Variants in CELA2A observed in about 807,000 individuals in gnomAD.
The protein encoded by CELA2A is chymotrypsin-like elastase family member 2A.
Under a neutral mutation model 35.3 loss-of-function variants are expected in CELA2A, and 31 were observed. The observed-to-expected ratio is 0.88, with a 90% CI of 0.66 to 1.19. CELA2A has a LOEUF of 1.19. Ranked by LOEUF, CELA2A falls within the 50% of genes most tolerant of loss-of-function variation. The pLI is 0.00. For missense variants in CELA2A, 330 were observed against 352.9 expected (o/e 0.94, Z 0.52); for synonymous variants, 150 against 149.8 (o/e 1.00, Z -0.01).
chr1:15,469,794 G>A (rs1402578128), intron 7 of CELA2A, among the ~76,000 whole-genome samples: 5 of 152,176 alleles, frequency 3.3e-5, no homozygotes, highest in Admixed American at 2.6e-4. Context: ...AAGGAGCCTG[G>A]CCTGAGACTG....
Position 15,463,414 on chromosome 1 carries a change from A to G in CELA2A, c.385A>G (p.Asn129Asp). The G allele has an allele frequency of 6.2e-7, 1 of 1,613,886 alleles. No homozygotes were observed. Among genetic ancestry groups the G allele is most frequent in the Non-Finnish European group, 8.5e-7 (1 of 1,179,884 alleles). The change falls in exon 5 of 8, where the codon AAC (asparagine) becomes GAC (aspartate). Residue 129 changes from asparagine (N) to aspartate (D), a missense_variant. By Grantham distance (23) the Asn-to-Asp change is conservative. Coordinates refer to ENST00000359621, the MANE Select transcript of CELA2A (RefSeq NM_033440.3). Reference sequence around the variant, plus strand: ...CGACATTGCCCTGCTCAAACTGGCTAACCCCGTCTCCCTCACCGACAAGAT... The same window carrying G: ...CGACATTGCCCTGCTCAAACTGGCTGACCCCGTCTCCCTCACCGACAAGAT... ...GNDIALLKLA[N>D]PVSLTDKIQL... is the part of the protein sequence containing the mutation.
rs568320607 is a variant in CELA2A at position 15,470,048 on chromosome 1, C to A, written c.793-1942C>A. Among the ~76,000 whole-genome samples the A allele has an allele frequency of 5.3e-5, 8 of 152,204 alleles. No homozygotes were observed. In the East Asian group the frequency reaches 1.3e-3, roughly 26 times the overall value. On this transcript the variant is annotated intron_variant, in intron 7 of 7. Coordinates refer to ENST00000359621, the MANE Select transcript of CELA2A (RefSeq NM_033440.3). ...CAGATGGCAGCAGGGATCCACGGGG[C>A]AGCACGCCTCGCAAGGCAGCTGGGC...
chr1:15,464,479 A>G (rs3753326), intron 5 of CELA2A, among the ~76,000 whole-genome samples: 32,607 of 152,114 alleles, frequency 0.21, 3,830 homozygotes, highest in African/African-American at 0.28. Context: ...AGGGATGAGT[A>G]ATAATGACCT....
In CELA2A at chr1:15,467,465, G is replaced by A. The variant is rs149744450; in HGVS notation, c.719G>A (p.Arg240His). 1.0e-4 allele frequency: 162 copies of A among 1,614,080 alleles called. No homozygotes were observed. Among genetic ancestry groups the A allele is most frequent in the East Asian group, 6.9e-4 (31 of 44,878 alleles). The change falls in exon 7 of 8, where the codon CGC becomes CAC. Residue 240 changes from arginine (R) to histidine (H), a missense_variant. By Grantham distance (29) the Arg-to-His change is conservative (BLOSUM62 0). Coordinates refer to ENST00000359621, the MANE Select transcript of CELA2A (RefSeq NM_033440.3). ...CACGGCATCGTCAGCTTCGGGTCTC[G>A]CCTCGGCTGCAACTACTACCACAAG... Reference protein sequence around the residue: ...QVHGIVSFGSRLGCNYYHKPS... With the variant: ...QVHGIVSFGSHLGCNYYHKPS...
At chr1:15,467,096 C>T (rs1423801136) in intron 6 of CELA2A, among the ~76,000 whole-genome samples, 1 of 152,170 alleles carries the variant, frequency 6.6e-6, no homozygotes, top group Non-Finnish European at 1.5e-5. Flanking sequence ...CTCAACACTC[C>T]AGTTTCTCCT....
At chr1:15,462,973 AG>A (rs1345598479) in intron 4 of CELA2A, 112 bp downstream of exon 4, 4 of 1,456,276 alleles carry the variant, frequency 2.7e-6, no homozygotes, top group Non-Finnish European at 3.8e-6. Flanking sequence ...TTCTACAGGG[AG>A]GGGGAAGGAG....
At chr1:15,458,279 C>CA (rs1708387409) in intron 2 of CELA2A, among the ~76,000 whole-genome samples, 1 of 151,958 alleles carries the variant, frequency 6.6e-6, no homozygotes, top group South Asian at 2.1e-4. Flanking sequence ...TGAGCCCATC[C>CA]AATCTTTCCA....
rs544416966 is a variant in CELA2A, at chr1:15,470,737, T to C, written c.793-1253T>C. 3.7e-4 allele frequency among the ~76,000 whole-genome samples: 57 copies of C among 152,232 alleles called. 1 individual carries two copies. The highest frequency in any genetic ancestry group is 1.3e-3 in the African/African-American group (56 of 41,562). The stretch of plus-strand genomic sequence containing the variant: ...CTGGGATTACAGGCACACACCACCA[T>C]GCCCAACTAATTTTTGTATTTTTAG... On this transcript the variant is annotated intron_variant, in intron 7 of 7. Coordinates refer to ENST00000359621, the MANE Select transcript of CELA2A (RefSeq NM_033440.3).
intron 7 of CELA2A, among the ~76,000 whole-genome samples, chr1:15,470,958 CTG>C (rs1356563524): frequency 6.6e-6 from 1 of 152,178 alleles, no homozygotes; most frequent in Non-Finnish European, 1.5e-5. Context: ...TAGATAGACA[CTG>C]TCTTCTATGC....
At chr1:15,460,889 C>G (rs570508586) in intron 2 of CELA2A, among the ~76,000 whole-genome samples, 36 of 152,084 alleles carry the variant, frequency 2.4e-4, no homozygotes, top group African/African-American at 8.7e-4. Flanking sequence ...TCCTGCCTCA[C>G]ACGGCTAATA....
chr1:15,465,765 G>A (rs1165482066), intron 5 of CELA2A: 6 of 482,068 alleles, frequency 1.2e-5, no homozygotes, highest in South Asian at 1.2e-4. Context: ...CTCTGAAACC[G>A]GAATCTCATA....
At chr1:15,471,278 G>A (rs1444276881) in intron 7 of CELA2A, among the ~76,000 whole-genome samples, 1 of 152,154 alleles carries the variant, frequency 6.6e-6, no homozygotes, top group Non-Finnish European at 1.5e-5. Flanking sequence ...TGGGCGCGGT[G>A]GCTCACGCCT....
Position 15,461,585 on chromosome 1 carries a change from G to T in CELA2A, c.154G>T (p.Gly52Cys). 6.2e-7 allele frequency: 1 copy of T among 1,612,380 alleles called. No homozygotes were observed. Among genetic ancestry groups the T allele is most frequent in the Admixed American group, 1.7e-5 (1 of 60,022 alleles). ...WQVSLQYSSN[G>C]KWYHTCGGSL... ...GGTCTCCCTGCAGTACAGCTCCAAT[G>T]GCAAGTGGTACCACACCTGCGGAGG... is the stretch of plus-strand genomic sequence containing the variant. Residue 52 changes from glycine to cysteine, a missense_variant, in exon 3 of 8, where the codon GGC (glycine) becomes TGC (cysteine). Gly to Cys is a radical substitution (Grantham distance 159). Coordinates refer to ENST00000359621, the MANE Select transcript of CELA2A (RefSeq NM_033440.3).
rs576270002 is a variant in CELA2A at position 15,466,678 on chromosome 1, AG to A, written c.639+536del. Among the ~76,000 whole-genome samples the A allele has an allele frequency of 2.5e-3, 380 of 152,262 alleles. 1 individual carries two copies. The highest frequency in any genetic ancestry group is 8.7e-3 in the African/African-American group (362 of 41,558). Reference sequence around the variant, plus strand: ...GGAAGTCCTTCCCTGGGTCTCATCAAGGTCTCTCGTGACTGTCACTATGTAT... The same window carrying A: ...GGAAGTCCTTCCCTGGGTCTCATCAAGTCTCTCGTGACTGTCACTATGTAT... On this transcript the variant is annotated intron_variant, in intron 6 of 7. Coordinates refer to ENST00000359621, the MANE Select transcript of CELA2A (RefSeq NM_033440.3).
At chr1:15,467,215 TA>T (rs1294355574) in intron 6 of CELA2A, among the ~76,000 whole-genome samples, 170 bp from the exon 7 acceptor site, 1 of 152,190 alleles carries the variant, frequency 6.6e-6, no homozygotes, top group Non-Finnish European at 1.5e-5. Context: ...ACAGGAAGAA[TA>T]AGTGTTGGCT....
At chr1:15,466,549 G>C (rs10157736) in intron 6 of CELA2A, among the ~76,000 whole-genome samples, 2 of 150,446 alleles carry the variant, frequency 1.3e-5, no homozygotes, top group African/African-American at 4.9e-5. Flanking sequence ...GTGACAGAGC[G>C]AAACTCAAAA....
At chr1:15,469,953 T>G (rs1349244550) in intron 7 of CELA2A, among the ~76,000 whole-genome samples, 2 of 152,118 alleles carry the variant, frequency 1.3e-5, no homozygotes, top group East Asian at 3.9e-4. Context: ...CCAATTTTTT[T>G]TTCCCAGCAT....
At chr1:15,457,369 T>C (rs1570793971) in intron 2 of CELA2A, 195 bp downstream of exon 2, 2 of 574,786 alleles carry the variant, frequency 3.5e-6, no homozygotes, top group East Asian at 3.0e-5. Flanking sequence ...CCCAGCACTG[T>C]GGGAGGCTGT....
intron 3 of CELA2A, 88 bp downstream of exon 3, chr1:15,461,746 A>G: frequency 1.3e-6 from 2 of 1,486,384 alleles, no homozygotes; most frequent in South Asian, 1.1e-5. Flanking sequence ...ACCATGCTAC[A>G]TAAAGCAGCC....
Sources: allele counts gnomAD v4.1 joint callset (sites outside exome capture counted in the v4.1 genomes callset), GRCh38; gene constraint gnomAD v4.1.1; transcripts MANE v1.5; gene names NCBI Gene and HGNC (gene_info 2026-07-23, HGNC 2026-07-21).